MYO5A: variants seen among roughly 807,000 people sequenced by gnomAD.
MYO5A encodes the protein myosin VA.
In MYO5A, 98 loss-of-function variants were observed where a neutral mutation model predicts 249.7. The ratio of observed to expected loss-of-function variants is 0.39; its 90% confidence interval spans 0.33 to 0.46. The LOEUF is 0.46. MYO5A is among the 20% of genes least tolerant of loss of function. MYO5A has a pLI of 0.98. For missense variants in MYO5A, 1,696 were observed against 2,308.8 expected (o/e 0.73, Z 5.44); for synonymous variants, 778 against 810.6 (o/e 0.96, Z 0.68).
chr15:52,354,790 G>A (rs1437957181), intron 25 of MYO5A, among the ~76,000 whole-genome samples: 5 of 151,384 alleles, frequency 3.3e-5, no homozygotes, highest in Admixed American at 2.6e-4. Context: ...GGAGGTGGAG[G>A]TTGCAGTGAG....
intron 1 of MYO5A, among the ~76,000 whole-genome samples, chr15:52,485,449 C>T (rs1013352161): frequency 3.9e-5 from 6 of 152,128 alleles, no homozygotes; most frequent in Non-Finnish European, 8.8e-5. Context: ...GTCAGTTGAT[C>T]TCTGCACGAG....
chr15:52,528,634 G>A, intron 1 of MYO5A, 146 bp downstream of exon 1: 2 of 935,780 alleles, frequency 2.1e-6, no homozygotes, highest in Middle Eastern at 3.6e-4. Context: ...CGACCGGCTG[G>A]TAGGGCCGAG....
intron 18 of MYO5A, among the ~76,000 whole-genome samples, chr15:52,379,255 G>A (rs560438056): frequency 1.1e-4 from 16 of 152,146 alleles, no homozygotes; most frequent in Admixed American, 3.9e-4. Context: ...TATTATACTC[G>A]TCTTTAAAAA....
intron 25 of MYO5A, among the ~76,000 whole-genome samples, chr15:52,355,429 T>C (rs1261440337): frequency 1.3e-5 from 2 of 152,236 alleles, no homozygotes; most frequent in African/African-American, 2.4e-5. Flanking sequence ...CTCACTACTT[T>C]AACAAAACGC....
At chr15:52,418,369 C>G (rs2043617237) in intron 4 of MYO5A, among the ~76,000 whole-genome samples, 1 of 152,140 alleles carries the variant, frequency 6.6e-6, no homozygotes, top group Non-Finnish European at 1.5e-5. Context: ...TAATAAGCAG[C>G]TACAATGTGC....
At chr15:52,408,375 T>C (rs2043101479) in intron 6 of MYO5A, among the ~76,000 whole-genome samples, 1 of 152,162 alleles carries the variant, frequency 6.6e-6, no homozygotes, top group Admixed American at 6.6e-5. Flanking sequence ...TAGTAATGCT[T>C]TCTGAACTAG....
intron 9 of MYO5A, among the ~76,000 whole-genome samples, chr15:52,401,135 A>C (rs2042735616): frequency 7.0e-6 from 1 of 142,320 alleles, no homozygotes; most frequent in African/African-American, 2.8e-5. Flanking sequence ...CAGTGGCGCG[A>C]TCTTGGCTCA....
At chr15:52,418,586 T>C (rs1021979715) in intron 4 of MYO5A, among the ~76,000 whole-genome samples, 2 of 151,934 alleles carry the variant, frequency 1.3e-5, no homozygotes, top group African/African-American at 4.8e-5. Flanking sequence ...AATACCAGAA[T>C]TGAGAGGGTA....
chr15:52,524,553 C>CTAAATAAATAAATAAATAAA (rs55753650), intron 1 of MYO5A, among the ~76,000 whole-genome samples: 1 of 140,854 alleles, frequency 7.1e-6, no homozygotes, highest in East Asian at 2.0e-4. Context: ...GACCCTGAAC[C>CTAAATAAATAAATAAATAAA]TAAATAAATA....
chr15:52,454,859 C>T (rs1034308225), intron 1 of MYO5A, among the ~76,000 whole-genome samples: 3 of 151,882 alleles, frequency 2.0e-5, no homozygotes, highest in African/African-American at 7.3e-5. Flanking sequence ...TAAATGCCTA[C>T]ATCAAAAAAG....
chr15:52,420,871 A>G (rs1264709394), intron 4 of MYO5A, among the ~76,000 whole-genome samples: 1 of 152,212 alleles, frequency 6.6e-6, no homozygotes, highest in Non-Finnish European at 1.5e-5. Flanking sequence ...ATGACAAAGA[A>G]GAAAGGCTTC....
chr15:52,489,624 A>G (rs1289090938), intron 1 of MYO5A, among the ~76,000 whole-genome samples: 1 of 152,152 alleles, frequency 6.6e-6, no homozygotes, highest in Non-Finnish European at 1.5e-5. Flanking sequence ...GTGAAAAGGA[A>G]ACCCACATAA....
chr15:52,336,898 G>A (rs1300859905), intron 33 of MYO5A, among the ~76,000 whole-genome samples: 2 of 152,162 alleles, frequency 1.3e-5, no homozygotes, highest in Non-Finnish European at 2.9e-5. Context: ...GGACTGACTA[G>A]GCAAAAATAA....
chr15:52,376,829 T>C (rs903550125), intron 18 of MYO5A, among the ~76,000 whole-genome samples: 5 of 152,240 alleles, frequency 3.3e-5, no homozygotes, highest in Admixed American at 2.0e-4. Flanking sequence ...TTGTGGGTTA[T>C]AGGCAGTTAT....
At chr15:52,368,715 C>T (rs1741702829) in intron 22 of MYO5A, among the ~76,000 whole-genome samples, 2 of 152,154 alleles carry the variant, frequency 1.3e-5, no homozygotes, top group Admixed American at 6.6e-5. Context: ...GACCAGCCTA[C>T]ACAACATAGG....
intron 1 of MYO5A, among the ~76,000 whole-genome samples, chr15:52,515,303 A>AAAGAAAGG (rs1370430105): frequency 6.7e-6 from 1 of 149,536 alleles, no homozygotes; most frequent in African/African-American, 2.4e-5. Context: ...AGAAAGAAAG[A>AAAGAAAGG]AAAAAAAGAT....
Position 52,375,380 on chromosome 15 carries a change from T to G in MYO5A, c.2501A>C (p.Tyr834Ser). Residue 834 changes from tyrosine (Y) to serine (S), a missense_variant, in exon 20 of 42, where the codon TAC (tyrosine) becomes TCC (serine). Physicochemically the swap from Tyr to Ser is moderately radical, Grantham distance 144 (BLOSUM62 -2). Coordinates refer to ENST00000399233, the MANE Select transcript of MYO5A (RefSeq NM_001382347.1). ...YWRMYVVRRRYKIRRAATIVL... is the reference protein window; with the variant it reads ...YWRMYVVRRRSKIRRAATIVL... Reference sequence around the variant, plus strand: ...GATAGTGGCAGCTCGTCTAATCTTGTACCTCCTGCGGACCACATACATGCG... The same window carrying G: ...GATAGTGGCAGCTCGTCTAATCTTGGACCTCCTGCGGACCACATACATGCG... 6.2e-7 allele frequency: 1 copy of G among 1,614,152 alleles called. No individual in the cohort carries two copies. The highest frequency in any genetic ancestry group is 8.5e-7 in the Non-Finnish European group (1 of 1,179,992).
intron 9 of MYO5A, among the ~76,000 whole-genome samples, chr15:52,404,827 G>C (rs566947903): frequency 2.0e-5 from 3 of 152,268 alleles, no homozygotes; most frequent in African/African-American, 7.2e-5. Context: ...AAGCTCAATA[G>C]GAAGTCAGGG....
At chr15:52,338,768 A>C (rs190087896) in intron 32 of MYO5A, among the ~76,000 whole-genome samples, 31 of 152,326 alleles carry the variant, frequency 2.0e-4, no homozygotes, top group Admixed American at 1.9e-3. Flanking sequence ...TATTGCAAAC[A>C]AGGTTGCAAG....
Sources: allele counts gnomAD v4.1 joint callset (sites outside exome capture counted in the v4.1 genomes callset), GRCh38; gene constraint gnomAD v4.1.1; transcripts MANE v1.5; gene names NCBI Gene and HGNC (gene_info 2026-07-23, HGNC 2026-07-21).